CAMKMT: variants seen among roughly 807,000 people sequenced by gnomAD.
The protein encoded by CAMKMT is CaM KMT.
In CAMKMT, 53 loss-of-function variants were observed where a neutral mutation model predicts 48.0. The ratio of observed to expected loss-of-function variants is 1.10; its 90% CI spans 0.89 to 1.39. CAMKMT has a LOEUF of 1.39. CAMKMT is among the 40% of genes most tolerant of loss of function. The pLI is 0.00. For synonymous variants in CAMKMT, 165 were observed against 152.3 expected (o/e 1.08, Z -0.61); for missense variants, 428 against 402.7 (o/e 1.06, Z -0.54).
At chr2:44,558,214 A>AT (rs915033426) in intron 3 of CAMKMT, among the ~76,000 whole-genome samples, 1 of 151,946 alleles carries the variant, frequency 6.6e-6, no homozygotes, top group African/African-American at 2.4e-5. Context: ...AATTTTTTAA[A>AT]TTTTTTGTAG....
At chr2:44,577,679 C>G (rs369542412) in intron 3 of CAMKMT, among the ~76,000 whole-genome samples, 2 of 74,194 alleles carry the variant, frequency 2.7e-5, no homozygotes, top group Non-Finnish European at 6.1e-5. Context: ...GAGAGGGAGA[C>G]AGAGAGGGAG....
intron 3 of CAMKMT, among the ~76,000 whole-genome samples, chr2:44,652,911 A>G (rs1471001972): frequency 3.3e-5 from 5 of 152,184 alleles, no homozygotes; most frequent in African/African-American, 9.6e-5. Flanking sequence ...TCCAGGCCAT[A>G]TGCTTCTCCT....
At position 44,743,696 on chromosome 2, in the gene CAMKMT, G is replaced by T; in HGVS notation, c.698G>T (p.Cys233Phe). 6.2e-7 allele frequency: 1 copy of T among 1,607,162 alleles called. No homozygotes were observed. Among genetic ancestry groups the T allele is most frequent in the Non-Finnish European group, 8.5e-7 (1 of 1,174,914 alleles). Residue 233 changes from cysteine to phenylalanine, a missense_variant and splice_region_variant, in exon 8 of 11, where the codon TGC (cysteine) becomes TTC (phenylalanine). Cys to Phe is a radical substitution (Grantham distance 205, BLOSUM62 -2). Coordinates refer to ENST00000378494, the MANE Select transcript of CAMKMT (RefSeq NM_024766.5). ...GHFDIVMCAD[C>F]LFLDQYRASL... is the part of the protein sequence containing the mutation. ...TTTGACATTGTTATGTGTGCTGACT[G>T]GTAAGTACATAAAAATCACAAAACT...
At chr2:44,478,876 T>A (rs1473258078) in intron 3 of CAMKMT, among the ~76,000 whole-genome samples, 1 of 152,104 alleles carries the variant, frequency 6.6e-6, no homozygotes, top group Admixed American at 6.5e-5. Flanking sequence ...ATTTTTTGTA[T>A]TTTTAGTAGA....
chr2:44,452,885 G>T (rs1228228039), intron 3 of CAMKMT, among the ~76,000 whole-genome samples: 2 of 151,982 alleles, frequency 1.3e-5, no homozygotes, highest in Non-Finnish European at 2.9e-5. Flanking sequence ...CTTTGGGGTT[G>T]TGATATCATG....
intron 3 of CAMKMT, among the ~76,000 whole-genome samples, chr2:44,422,673 G>A (rs1272908784): frequency 6.6e-6 from 1 of 151,838 alleles, no homozygotes; most frequent in Non-Finnish European, 1.5e-5. Flanking sequence ...AAATATATTG[G>A]TCATTAGTTG....
intron 8 of CAMKMT, among the ~76,000 whole-genome samples, chr2:44,747,930 A>G (rs566868892): frequency 6.6e-6 from 1 of 152,202 alleles, no homozygotes; most frequent in Non-Finnish European, 1.5e-5. Flanking sequence ...TAGACTGCCA[A>G]TGTATTTTGA....
intron 3 of CAMKMT, among the ~76,000 whole-genome samples, chr2:44,619,642 T>C (rs1672072339): frequency 6.6e-6 from 1 of 152,252 alleles, no homozygotes. Flanking sequence ...TCTTTCAGGC[T>C]ACTAGAGAGT....
intron 8 of CAMKMT, among the ~76,000 whole-genome samples, chr2:44,748,639 G>A (rs1347193118): frequency 1.3e-5 from 2 of 152,080 alleles, no homozygotes; most frequent in African/African-American, 2.4e-5. Context: ...TTGGGAGGCC[G>A]AGGCGGGCAG....
At chr2:44,506,550 A>G (rs1670270770) in intron 3 of CAMKMT, among the ~76,000 whole-genome samples, 2 of 152,156 alleles carry the variant, frequency 1.3e-5, no homozygotes, top group Non-Finnish European at 2.9e-5. Flanking sequence ...TTTGGGATAG[A>G]TATTATGTTA....
chr2:44,631,682 C>T (rs1163367946), intron 3 of CAMKMT: 2 of 406,610 alleles, frequency 4.9e-6, no homozygotes, highest in Non-Finnish European at 8.6e-6. Context: ...TTTAATTGTA[C>T]TGTTTAATTG....
chr2:44,413,602 A>G (rs917483943), intron 3 of CAMKMT, among the ~76,000 whole-genome samples: 1 of 151,914 alleles, frequency 6.6e-6, no homozygotes, highest in Non-Finnish European at 1.5e-5. Context: ...CAGTGAGCCA[A>G]GATTGCGCCA....
chr2:44,398,695 T>C (rs988125782), intron 3 of CAMKMT, among the ~76,000 whole-genome samples: 12 of 152,200 alleles, frequency 7.9e-5, no homozygotes, highest in African/African-American at 2.9e-4. Flanking sequence ...TTAAAAGTGC[T>C]TACATAAACG....
At chr2:44,661,982 A>G (rs1674702633) in intron 3 of CAMKMT, among the ~76,000 whole-genome samples, 1 of 152,222 alleles carries the variant, frequency 6.6e-6, no homozygotes, top group African/African-American at 2.4e-5. Context: ...CACCTAAAAA[A>G]TAGCTTGCCC....
At chr2:44,609,995 G>A (rs62132313) in intron 3 of CAMKMT, among the ~76,000 whole-genome samples, 6,000 of 152,178 alleles carry the variant, frequency 0.039, 169 homozygotes, top group Non-Finnish European at 0.064. Flanking sequence ...ACTTTCAAAG[G>A]CATCTTAGCC....
At chr2:44,468,392 C>T (rs1668240743) in intron 3 of CAMKMT, among the ~76,000 whole-genome samples, 1 of 152,182 alleles carries the variant, frequency 6.6e-6, no homozygotes, top group Admixed American at 6.5e-5. Context: ...AGCTCATACA[C>T]TGCTGGTGGG....
intron 3 of CAMKMT, among the ~76,000 whole-genome samples, chr2:44,541,153 G>A (rs1284607316): frequency 6.6e-6 from 1 of 152,062 alleles, no homozygotes; most frequent in South Asian, 2.1e-4. Context: ...CATCTCATAG[G>A]TTTTCATTAT....
intron 8 of CAMKMT, among the ~76,000 whole-genome samples, chr2:44,751,238 C>A (rs147696770): frequency 1.3e-5 from 2 of 152,142 alleles, no homozygotes; most frequent in African/African-American, 2.4e-5. Context: ...TGATGACCTC[C>A]GTCTTTTGCC....
chr2:44,377,659 C>T (rs1425076617), intron 2 of CAMKMT, among the ~76,000 whole-genome samples: 1 of 151,892 alleles, frequency 6.6e-6, no homozygotes, highest in Non-Finnish European at 1.5e-5. Flanking sequence ...CTGAACTGTC[C>T]TTCTTTGTTT....
Sources: gnomAD v4.1 joint callset for allele counts (sites outside exome capture counted in the v4.1 genomes callset) on GRCh38, gnomAD v4.1.1 for gene constraint, MANE v1.5 for transcripts, NCBI Gene and HGNC (gene_info 2026-07-23, HGNC 2026-07-21) for gene names.